Variants in CNTN5 observed in about 807,000 individuals in gnomAD.
CNTN5 encodes the protein contactin 5, also known as contactin-5.
Under a neutral mutation model 129.1 loss-of-function variants are expected in CNTN5, and 77 were observed. The observed-to-expected ratio is 0.60, with a 90% confidence interval of 0.50 to 0.72. CNTN5 has a LOEUF of 0.72. Among genes scored for constraint, CNTN5 ranks in the 30% least tolerant of loss-of-function variants. The pLI, the probability that CNTN5 is intolerant of heterozygous loss-of-function variation, is 0.00. For missense variants in CNTN5, 1,478 were observed against 1,328.8 expected, an observed-to-expected ratio of 1.11 and a Z score of -1.75; for synonymous variants, 509 against 465.6, an observed-to-expected ratio of 1.09 and a Z score of -1.20.
chr11:100,140,750 A>T lies in CNTN5; in HGVS notation c.1581-50376A>T, dbSNP rs1010384757. The stretch of plus-strand genomic sequence containing the variant: ...TTAAGACAGATAGAGTGTTAGAATG[A>T]AAAACGGCAAGCTAGGAGCTAAAAT... On this transcript the variant is annotated intron_variant, in intron 13 of 24. Transcript: ENST00000524871. Among the ~76,000 whole-genome samples, 3 of 152,300 alleles carry T rather than the reference A, an allele frequency of 2.0e-5. No individual in the cohort carries two copies. In the South Asian group the frequency reaches 6.2e-4, roughly 32 times the overall value.
chr11:99,384,281 A>C (rs1437633197), intron 2 of CNTN5, among the ~76,000 whole-genome samples: 2 of 152,202 alleles, frequency 1.3e-5, no homozygotes, highest in Non-Finnish European at 2.9e-5. Flanking sequence ...CCTGTAAATA[A>C]TGCATCCCTT....
rs1186742182 is a variant in CNTN5 at position 99,336,241 on chromosome 11, C to CT, written c.-71+10763dup. ...TCAAATTGGTTAAGAGAATGTTTCA[C>CT]TTTTTTGTGTGATGAGCTTATAGCT... On this transcript the variant is annotated intron_variant, in intron 2 of 24. Coordinates refer to ENST00000524871, the MANE Select transcript of CNTN5 (RefSeq NM_014361.4). Among the ~76,000 whole-genome samples the CT allele has an allele frequency of 2.6e-5, 4 of 152,160 alleles. No homozygotes were observed. In the East Asian group the frequency reaches 7.7e-4, roughly 29 times the overall value.
In CNTN5 at chr11:99,995,074, A is replaced by G. The variant is rs188232701; in HGVS notation, c.878-6960A>G. Among the ~76,000 whole-genome samples the G allele has an allele frequency of 2.6e-5, 4 of 152,348 alleles. No individual in the cohort carries two copies. In the East Asian group the frequency reaches 5.8e-4, roughly 22 times the overall value. On this transcript the variant is annotated intron_variant, in intron 8 of 24. Transcript: ENST00000524871. ...GTGCTAACCACTCAGTTCACTTGCT[A>G]TTTATCAGGCTCTTGATGTGCAGCA...
intron 2 of CNTN5, among the ~76,000 whole-genome samples, chr11:99,516,102 A>G (rs536979627): frequency 5.7e-4 from 85 of 149,964 alleles, no homozygotes; most frequent in African/African-American, 2.0e-3. Flanking sequence ...ATGCAATACC[A>G]TAAGTAACAG....
intron 1 of CNTN5, among the ~76,000 whole-genome samples, chr11:99,083,326 C>T (rs4600174): frequency 0.14 from 20,733 of 152,038 alleles, 2,512 homozygotes; most frequent in East Asian, 0.43. Context: ...AGCTCCAAAA[C>T]AACTGTAGTC....
At chr11:99,736,322 G>A (rs1399679592) in intron 3 of CNTN5, among the ~76,000 whole-genome samples, 1 of 152,130 alleles carries the variant, frequency 6.6e-6, no homozygotes, top group Non-Finnish European at 1.5e-5. Flanking sequence ...ATTTTGACAG[G>A]ATCTGGAGCC....
intron 13 of CNTN5, among the ~76,000 whole-genome samples, chr11:100,124,754 T>C (rs1200587971): frequency 6.6e-6 from 1 of 152,050 alleles, no homozygotes; most frequent in East Asian, 1.9e-4. Flanking sequence ...TGGGGTCTTG[T>C]AGAGAAACTC....
intron 2 of CNTN5, among the ~76,000 whole-genome samples, chr11:99,423,290 T>TG (rs1942979264): frequency 6.6e-6 from 1 of 152,176 alleles, no homozygotes; most frequent in Non-Finnish European, 1.5e-5. Context: ...GAGTTAGTCT[T>TG]GCAGTTTGCA....
intron 1 of CNTN5, among the ~76,000 whole-genome samples, chr11:99,253,846 A>G (rs1263610643): frequency 4.0e-5 from 6 of 149,890 alleles, no homozygotes; most frequent in Non-Finnish European, 5.9e-5. Context: ...TAGTTTATCT[A>G]TGGATCCTTC....
intron 1 of CNTN5, among the ~76,000 whole-genome samples, chr11:99,039,342 T>C (rs1863889399): frequency 6.6e-6 from 1 of 152,180 alleles, no homozygotes; most frequent in African/African-American, 2.4e-5. Context: ...TATCTTGAGA[T>C]GCCATTCTTC....
chr11:99,562,928 A>C (rs187298383), intron 3 of CNTN5, among the ~76,000 whole-genome samples: 110 of 152,334 alleles, frequency 7.2e-4, no homozygotes, highest in African/African-American at 2.5e-3. Flanking sequence ...CCGAGCTAAA[A>C]GTAAATCTGT....
chr11:99,317,153 T>G (rs1461678), intron 1 of CNTN5, among the ~76,000 whole-genome samples: 85,853 of 151,920 alleles, frequency 0.57, 24,468 homozygotes, highest in East Asian at 0.75. Context: ...GGGGAGATTA[T>G]TTTTTCAAGA....
chr11:99,418,351 T>C (rs1374638673), intron 2 of CNTN5, among the ~76,000 whole-genome samples: 1 of 152,126 alleles, frequency 6.6e-6, no homozygotes, highest in Non-Finnish European at 1.5e-5. Context: ...TTGCTTGTTT[T>C]GGCACATTTC....
At chr11:100,353,922 TTACA>T (rs1353033052) in intron 24 of CNTN5, among the ~76,000 whole-genome samples, 1 of 151,460 alleles carries the variant, frequency 6.6e-6, no homozygotes, top group Admixed American at 6.6e-5. Context: ...CCAAATCCCA[TTACA>T]CTCAGTCTAG....
intron 3 of CNTN5, among the ~76,000 whole-genome samples, chr11:99,712,043 T>G (rs1955013808): frequency 1.3e-5 from 2 of 152,110 alleles, no homozygotes; most frequent in East Asian, 1.9e-4. Context: ...TCCACATTCT[T>G]AAGGAATCAC....
At chr11:99,958,480 T>A (rs1379702041) in intron 8 of CNTN5, among the ~76,000 whole-genome samples, 1 of 152,192 alleles carries the variant, frequency 6.6e-6, no homozygotes, top group African/African-American at 2.4e-5. Flanking sequence ...ACAGGGTACA[T>A]GGGAAATCCA....
intron 9 of CNTN5, among the ~76,000 whole-genome samples, chr11:100,021,794 G>A (rs938119456): frequency 2.6e-5 from 4 of 152,130 alleles, no homozygotes; most frequent in Admixed American, 2.6e-4. Flanking sequence ...GCAAATGTAG[G>A]GAAGCTGACA....
At chr11:99,583,142 A>T (rs1949670861) in intron 3 of CNTN5, among the ~76,000 whole-genome samples, 1 of 152,160 alleles carries the variant, frequency 6.6e-6, no homozygotes, top group Non-Finnish European at 1.5e-5. Context: ...AACAGCAGAT[A>T]TTGGTGAACC....
chr11:99,386,711 A>G (rs951694686), intron 2 of CNTN5, among the ~76,000 whole-genome samples: 1 of 152,100 alleles, frequency 6.6e-6, no homozygotes, highest in African/African-American at 2.4e-5. Flanking sequence ...CCCAGCTCCT[A>G]TTCAAGATGG....
Sources: gnomAD v4.1 joint callset for allele counts (sites outside exome capture counted in the v4.1 genomes callset) on GRCh38, gnomAD v4.1.1 for gene constraint, MANE v1.5 for transcripts, NCBI Gene and HGNC (gene_info 2026-07-23, HGNC 2026-07-21) for gene names.